Variants in IQCK observed in about 807,000 individuals in gnomAD.
The protein encoded by IQCK is IQ domain-containing protein K.
Under a neutral mutation model 28.1 loss-of-function variants are expected in IQCK, and 29 were observed. The ratio of observed to expected loss-of-function variants is 1.03; its 90% CI spans 0.77 to 1.41. The LOEUF (loss-of-function observed/expected upper bound fraction) is 1.41, where lower values mean the gene tolerates loss of function less well. Among genes scored for constraint, IQCK ranks in the 40% most tolerant of loss-of-function variants. IQCK has a pLI of 0.00. For synonymous variants in IQCK, 113 were observed against 115.1 expected, an observed-to-expected ratio of 0.98 and a Z score of 0.12; for missense variants, 359 against 314.7, an observed-to-expected ratio of 1.14 and a Z score of -1.07.
intron 9 of IQCK, among the ~76,000 whole-genome samples, chr16:19,851,845 T>TGCCTCTCACCCCTGCTTCCCTCCC (rs1272108507): frequency 6.6e-6 from 1 of 152,182 alleles, no homozygotes; most frequent in Admixed American, 6.5e-5. Flanking sequence ...TCTTCTCTCC[T>TGCCTCTCACCCCTGCTTCCCTCCC]GCCTCTCACC....
chr16:19,767,084 C>T (rs1046721352), intron 6 of IQCK, among the ~76,000 whole-genome samples: 2 of 152,158 alleles, frequency 1.3e-5, no homozygotes, highest in African/African-American at 4.8e-5. Flanking sequence ...GGATGTGGCT[C>T]GCTTTTTCAG....
At chr16:19,836,762 C>T (rs980737287) in intron 9 of IQCK, among the ~76,000 whole-genome samples, 2 of 152,156 alleles carry the variant, frequency 1.3e-5, no homozygotes, top group African/African-American at 2.4e-5. Context: ...TCCGCCCGCC[C>T]TGGCCTCCCA....
intron 1 of IQCK, among the ~76,000 whole-genome samples, chr16:19,726,535 T>C (rs1403761954): frequency 6.6e-6 from 1 of 152,180 alleles, no homozygotes; most frequent in Non-Finnish European, 1.5e-5. Context: ...AAACATTGTT[T>C]ATAATAATAA....
intron 6 of IQCK, among the ~76,000 whole-genome samples, chr16:19,771,904 G>GC (rs2055325750): frequency 6.6e-6 from 1 of 152,166 alleles, no homozygotes; most frequent in South Asian, 2.1e-4. Context: ...TGCAACAGCT[G>GC]CTGTGGTGAA....
rs1342141767 is a variant in IQCK, at chr16:19,825,885, TGCTGTTCTATATAGTA to T, written c.691-1138_691-1123del. On this transcript the variant is annotated intron_variant, in intron 7 of 7. Coordinates refer to ENST00000564186, the Ensembl canonical transcript of IQCK. This position sits in a 1 kb window ranked among gnomAD's most constrained non-coding sequence, Gnocchi z 4.2. ...ATTAACTGTGGTGAACCTAGAACTG[TGCTGTTCTATATAGTA>T]GCCACCAGCTACATGTGTCTGTTGA... Among the ~76,000 whole-genome samples, 5 of 152,270 alleles carry T rather than the reference TGCTGTTCTATATAGTA, an allele frequency of 3.3e-5. No individual in the cohort carries two copies. In the East Asian group the frequency reaches 9.6e-4, roughly 29 times the overall value.
At chr16:19,822,420 C>A (rs2056087732) in intron 7 of IQCK, among the ~76,000 whole-genome samples, 1 of 151,044 alleles carries the variant, frequency 6.6e-6, no homozygotes, top group Non-Finnish European at 1.5e-5. Context: ...AACAAATGTC[C>A]CATTAAGTGA....
At chr16:19,746,934 A>C (rs1467150334) in intron 4 of IQCK, among the ~76,000 whole-genome samples, 1 of 152,232 alleles carries the variant, frequency 6.6e-6, no homozygotes, top group Admixed American at 6.5e-5. Flanking sequence ...GTACTTTATC[A>C]GTTAACTTTT....
chr16:19,805,897 ATTGG>A (rs2055827518), intron 7 of IQCK, among the ~76,000 whole-genome samples: 1 of 151,600 alleles, frequency 6.6e-6, no homozygotes, highest in Non-Finnish European at 1.5e-5. Flanking sequence ...GGTGCTGCTG[ATTGG>A]TTGGGGATGA....
intron 6 of IQCK, among the ~76,000 whole-genome samples, chr16:19,769,383 G>A (rs1314697494): frequency 2.6e-5 from 4 of 152,204 alleles, no homozygotes. Context: ...AAATGTGGTT[G>A]TGAAGATACA....
intron 1 of IQCK, among the ~76,000 whole-genome samples, chr16:19,722,751 C>T (rs186481109): frequency 1.2e-4 from 18 of 151,182 alleles, no homozygotes; most frequent in Admixed American, 9.2e-4. Context: ...GAGTCTTGCT[C>T]TGTTGCCCAG....
intron 6 of IQCK, among the ~76,000 whole-genome samples, chr16:19,779,176 C>T (rs926334209): frequency 2.6e-5 from 4 of 152,030 alleles, no homozygotes; most frequent in Non-Finnish European, 4.4e-5. Context: ...AAGATCAGTC[C>T]GGCAGCTGGA....
intron 4 of IQCK, among the ~76,000 whole-genome samples, chr16:19,762,699 A>AC (rs2055165894): frequency 6.6e-6 from 1 of 152,032 alleles, no homozygotes; most frequent in East Asian, 1.9e-4. Flanking sequence ...CGGATGCCAA[A>AC]CCCCCGTGCA....
At chr16:19,764,010 A>G (rs778329314) in intron 5 of IQCK, 25 bp from the exon 6 acceptor site, 14 of 1,611,554 alleles carry the variant, frequency 8.7e-6, no homozygotes, top group African/African-American at 2.7e-5. Flanking sequence ...TTTCTTGTCA[A>G]TCAAACATAT....
At chr16:19,729,060 T>C (rs1257863668) in intron 1 of IQCK, among the ~76,000 whole-genome samples, 2 of 152,238 alleles carry the variant, frequency 1.3e-5, no homozygotes, top group Non-Finnish European at 2.9e-5. Flanking sequence ...ATATAACTAA[T>C]ACTGGCCATG....
intron 4 of IQCK, among the ~76,000 whole-genome samples, chr16:19,763,633 G>T (rs1040753520): frequency 2.8e-4 from 43 of 152,084 alleles, no homozygotes; most frequent in Admixed American, 7.9e-4. Flanking sequence ...AGTAGGGATG[G>T]GGTTTCACTG....
chr16:19,725,445 C>T (rs1159553137), intron 1 of IQCK, among the ~76,000 whole-genome samples: 1 of 152,224 alleles, frequency 6.6e-6, no homozygotes, highest in African/African-American at 2.4e-5. Context: ...AATCTGCCCA[C>T]CTTGGCTTCC....
intron 9 of IQCK, among the ~76,000 whole-genome samples, chr16:19,836,307 C>G (rs1209341427): frequency 6.6e-6 from 1 of 152,126 alleles, no homozygotes; most frequent in African/African-American, 2.4e-5. Context: ...ACTGCCTTCA[C>G]CAATTCTATT....
intron 9 of IQCK, among the ~76,000 whole-genome samples, chr16:19,842,507 T>C (rs1021473587): frequency 6.6e-6 from 1 of 152,242 alleles, no homozygotes; most frequent in African/African-American, 2.4e-5. Flanking sequence ...ATTAATGTAC[T>C]TTAACATCTT....
intron 7 of IQCK, among the ~76,000 whole-genome samples, chr16:19,814,404 TAAAGA>T (rs1173501960): frequency 8.6e-5 from 13 of 151,062 alleles, no homozygotes; most frequent in Admixed American, 2.6e-4. Context: ...TCCATCTCAA[TAAAGA>T]AAAGAAAAGA....
Sources: allele counts gnomAD v4.1 joint callset (sites outside exome capture counted in the v4.1 genomes callset), GRCh38; gene constraint gnomAD v4.1.1; non-coding constraint Gnocchi (gnomAD v3.1); transcripts MANE v1.5; gene names NCBI Gene and HGNC (gene_info 2026-07-23, HGNC 2026-07-21).